CLPB: variants seen among roughly 807,000 people sequenced by gnomAD.
CLPB encodes the protein mitochondrial disaggregase.
A neutral mutation model predicts 78.4 loss-of-function variants in CLPB; 40 were observed. The ratio of observed to expected loss-of-function variants is 0.51; its 90% CI spans 0.40 to 0.66. CLPB has a LOEUF of 0.66. CLPB is among the 30% of genes least tolerant of loss of function. CLPB has a pLI of 0.00. For missense variants in CLPB, 780 were observed against 886.9 expected (o/e 0.88, Z 1.53); for synonymous variants, 333 against 348.0 (o/e 0.96, Z 0.48).
intron 4 of CLPB, among the ~76,000 whole-genome samples, chr11:72,365,431 G>C (rs1381082667): frequency 6.6e-6 from 1 of 152,226 alleles, no homozygotes; most frequent in Non-Finnish European, 1.5e-5. Flanking sequence ...GAAGAGAAAT[G>C]GAGAGTGACT....
Position 72,308,592 on chromosome 11 carries a change from T to C in CLPB, c.1001A>G (p.Lys334Arg), listed in dbSNP as rs1427174756. 1 of 1,614,004 alleles carries C rather than the reference T, an allele frequency of 6.2e-7. No homozygotes were observed. Among genetic ancestry groups the C allele is most frequent in the Admixed American group, 1.7e-5 (1 of 60,026 alleles). ...TTCTTCATCGTACCAGCCATTCTCC[T>C]TCCTCCGGATCGCTACGGCCAAACA... The part of the protein sequence containing the change: ...IATVGAAIRR[K>R]ENGWYDEEHP... Residue 334 changes from lysine (K) to arginine (R), a missense_variant, in exon 8 of 16, where the codon AAG becomes AGG. Lys to Arg is a conservative substitution (Grantham distance 26). Around this residue, in one of 3 missense-constraint regions of CLPB, gnomAD observed 91 missense variants for 168.2 expected, o/e 0.54. Coordinates refer to ENST00000538039, the MANE Select transcript of CLPB (RefSeq NM_001258392.3).
intron 5 of CLPB, among the ~76,000 whole-genome samples, chr11:72,340,561 C>T (rs754696436): frequency 5.3e-5 from 8 of 152,194 alleles, no homozygotes; most frequent in East Asian, 3.8e-4. Context: ...GTCCCTCTTA[C>T]GCCTGAAGGC....
chr11:72,308,503 A>C, intron 8 of CLPB, 24 bp downstream of exon 8: 2 of 1,610,086 alleles, frequency 1.2e-6, no homozygotes, highest in Non-Finnish European at 8.5e-7. Context: ...CTCTGTCCCC[A>C]CTGGCTGATC....
chr11:72,419,150 T>C (rs1008064040), intron 2 of CLPB, among the ~76,000 whole-genome samples: 2 of 152,236 alleles, frequency 1.3e-5, no homozygotes, highest in African/African-American at 2.4e-5. Flanking sequence ...TATTCTTAGA[T>C]TCATCTCTGT....
At chr11:72,382,068 A>G (rs377254551) in intron 3 of CLPB, among the ~76,000 whole-genome samples, 1 of 151,066 alleles carries the variant, frequency 6.6e-6, no homozygotes, top group South Asian at 2.1e-4. Flanking sequence ...CTTGACCATC[A>G]CTCACAGACC....
At chr11:72,405,071 C>T (rs1225062728) in intron 2 of CLPB, among the ~76,000 whole-genome samples, 1 of 152,250 alleles carries the variant, frequency 6.6e-6, no homozygotes, top group South Asian at 2.1e-4. Flanking sequence ...ACCCTCAGTC[C>T]AAGAGGCTAG....
At chr11:72,377,501 A>T (rs1854744192) in intron 4 of CLPB, among the ~76,000 whole-genome samples, 1 of 152,226 alleles carries the variant, frequency 6.6e-6, no homozygotes, top group South Asian at 2.1e-4. Flanking sequence ...ATAAGGGGAC[A>T]TGATAGCCTT....
intron 2 of CLPB, among the ~76,000 whole-genome samples, chr11:72,413,081 G>T (rs1325037691): frequency 6.6e-6 from 1 of 152,146 alleles, no homozygotes; most frequent in Non-Finnish European, 1.5e-5. Flanking sequence ...CTGAGGTCGG[G>T]AGTTCGAGAC....
intron 7 of CLPB, 87 bp downstream of exon 7, chr11:72,317,019 A>C: frequency 1.2e-6 from 1 of 806,760 alleles, no homozygotes; most frequent in South Asian, 1.9e-5. Context: ...TTTTAATATT[A>C]TTAACAGCGC....
chr11:72,292,659 G>A lies in CLPB; in HGVS notation c.*708C>T, dbSNP rs967215917. On this transcript the variant is annotated 3_prime_UTR_variant, in exon 16 of 16. Transcript: ENST00000538039. The stretch of plus-strand genomic sequence containing the variant: ...ACTGCTGCTCAGTCTGAGTAGGGGA[G>A]GGTAATGAACCAGTCAGGCCTCCTC... 6.6e-6 allele frequency: 1 copy of A among 152,290 alleles called. No individual in the cohort carries two copies. Among genetic ancestry groups the A allele is most frequent in the Non-Finnish European group, 1.5e-5 (1 of 68,162 alleles). 9.4% of individuals were successfully genotyped at this position (152,290 alleles called of 1,614,324 possible).
Position 72,289,920 on chromosome 11 carries a change from G to A in CLPB, c.*3447C>T, listed in dbSNP as rs1358900004. On this transcript the variant is annotated 3_prime_UTR_variant, in exon 16 of 16. Coordinates refer to ENST00000538039, the MANE Select transcript of CLPB (RefSeq NM_001258392.3). ...CAGATGGATAGAATAATAAATTCAG[G>A]TGCTTGTATTTGCATGTTTTAACAT... 1 of 152,002 alleles carries A rather than the reference G, an allele frequency of 6.6e-6. No individual in the cohort carries two copies. Among genetic ancestry groups the A allele is most frequent in the African/African-American group, 2.4e-5 (1 of 41,348 alleles). The allele number at this position is 152,002 out of a possible 1,614,324, so 9.4% of individuals were successfully genotyped here. A position where few individuals can be genotyped will look rare whatever the true frequency, so the allele number is the denominator to read the frequency against.
intron 11 of CLPB, among the ~76,000 whole-genome samples, chr11:72,296,284 T>C (rs991989953): frequency 5.9e-5 from 9 of 152,208 alleles, no homozygotes; most frequent in African/African-American, 2.2e-4. Context: ...GGACAACCTC[T>C]TTTATCTTTG....
At chr11:72,420,363 T>G (rs11821309) in intron 2 of CLPB, among the ~76,000 whole-genome samples, 8,251 of 152,116 alleles carry the variant, frequency 0.054, 292 homozygotes, top group African/African-American at 0.094. Flanking sequence ...GCGCAGTAGC[T>G]GTCGCCTGTA....
chr11:72,421,119 C>T (rs1225158075), intron 2 of CLPB, among the ~76,000 whole-genome samples: 1 of 152,176 alleles, frequency 6.6e-6, no homozygotes, highest in Non-Finnish European at 1.5e-5. Flanking sequence ...TTGCAGGGTA[C>T]ATGAATGACA....
chr11:72,396,245 A>C (rs1590891957), intron 3 of CLPB, among the ~76,000 whole-genome samples: 1 of 152,292 alleles, frequency 6.6e-6, no homozygotes, highest in South Asian at 2.1e-4. Flanking sequence ...GCCGGGAACC[A>C]GTCCTTCCGA....
intron 2 of CLPB, among the ~76,000 whole-genome samples, chr11:72,422,942 G>A (rs1020136365): frequency 5.3e-5 from 8 of 152,206 alleles, no homozygotes; most frequent in Non-Finnish European, 1.0e-4. Context: ...CCAGGGACGA[G>A]AACCAAACCA....
At chr11:72,423,100 CTAAAGCCA>C (rs1204460840) in intron 2 of CLPB, among the ~76,000 whole-genome samples, 3 of 152,124 alleles carry the variant, frequency 2.0e-5, no homozygotes, top group African/African-American at 7.2e-5. Flanking sequence ...TCTTTATTTT[CTAAAGCCA>C]TAAAACCAGA....
chr11:72,286,012 A>T lies in CLPB; in HGVS notation c.*7355T>A, dbSNP rs182030587. 9 of 150,946 alleles carry T rather than the reference A, an allele frequency of 6.0e-5. No homozygotes were observed. Among genetic ancestry groups the T allele is most frequent in the Non-Finnish European group, 1.3e-4 (9 of 67,804 alleles). 9.4% of individuals were successfully genotyped at this position (150,946 alleles called of 1,614,324 possible). ...AGTGGCACGATCTCATCTCACAGCA[A>T]CCTCCACCTCCTGAGCTCCAGTTAT... is the stretch of plus-strand genomic sequence containing the variant. On this transcript the variant is annotated 3_prime_UTR_variant, in exon 16 of 16. Coordinates refer to ENST00000538039, the MANE Select transcript of CLPB (RefSeq NM_001258392.3).
intron 6 of CLPB, among the ~76,000 whole-genome samples, chr11:72,319,510 C>CAA (rs1210616411): frequency 6.6e-6 from 1 of 152,180 alleles, no homozygotes; most frequent in African/African-American, 2.4e-5. Flanking sequence ...CACAGTGAGG[C>CAA]AAGTTGTGTA....
Sources: gnomAD v4.1 joint callset for allele counts (sites outside exome capture counted in the v4.1 genomes callset) on GRCh38, gnomAD v4.1.1 for gene constraint, gnomAD v4.1.1 regional missense constraint, MANE v1.5 for transcripts, NCBI Gene and HGNC (gene_info 2026-07-23, HGNC 2026-07-21) for gene names.